ANKRD46: variants seen among roughly 807,000 people sequenced by gnomAD.
The protein encoded by ANKRD46 is ankyrin repeat domain 46.
In ANKRD46, 13 loss-of-function variants were observed where a neutral mutation model predicts 19.8. The observed-to-expected ratio is 0.66, with a 90% CI of 0.43 to 1.04. The LOEUF (loss-of-function observed/expected upper bound fraction) is 1.04. Ranked by LOEUF, ANKRD46 falls within the 50% of genes least tolerant of loss-of-function variation. The pLI is 0.00. For synonymous variants in ANKRD46, 91 were observed against 106.9 expected, an observed-to-expected ratio of 0.85 and a Z score of 0.92; for missense variants, 185 against 274.8, an observed-to-expected ratio of 0.67 and a Z score of 2.31.
In ANKRD46 at chr8:100,522,743, G is replaced by C. The variant is rs771921223; in HGVS notation, c.499C>G (p.Pro167Ala). The C allele has an allele frequency of 2.5e-5, 40 of 1,613,834 alleles. No individual in the cohort carries two copies. The highest frequency in any genetic ancestry group is 3.3e-5 in the Admixed American group (2 of 59,952). Residue 167 changes from proline (P) to alanine (A), a missense_variant, in exon 5 of 5, where the codon CCC becomes GCC. Pro to Ala is a conservative substitution (Grantham distance 27). Transcript: ENST00000335659. ...ACTCCTTCACCTTGCTGCAGGTTGG[G>C]ATTGAGGAGTGAATGGCTTTCCATG... ...SAMESHSLLN[P>A]NLQQGEGVLS... is the part of the protein sequence containing the mutation.
chr8:100,552,800 G>A (rs1277259999), intron 1 of ANKRD46, among the ~76,000 whole-genome samples: 2 of 152,196 alleles, frequency 1.3e-5, no homozygotes, highest in African/African-American at 4.8e-5. Flanking sequence ...AAAGGGTCAA[G>A]CCTTGGGCTT....
chr8:100,510,735 T>C lies in ANKRD46; in HGVS notation c.637-96A>G, dbSNP rs1811536475. ...AGGACCAGATACAATCATAAATATA[T>C]AGAACCAGAAAGCACAGGCTTGCTT... On this transcript the variant is annotated intron_variant, in intron 5 of 5. Transcript: ENST00000520552. This position sits in a 1 kb window ranked among gnomAD's most constrained non-coding sequence, Gnocchi z 4.9. The C allele has an allele frequency of 2.6e-6, 3 of 1,140,166 alleles. No homozygotes were observed. Among genetic ancestry groups the C allele is most frequent in the South Asian group, 3.2e-5 (2 of 62,242 alleles). 70.6% of individuals were successfully genotyped at this position (1,140,166 alleles called of 1,614,324 possible).
rs926547415 is a variant in ANKRD46, at chr8:100,534,363, G to A, written c.-130-1052C>T. On this transcript the variant is annotated intron_variant, in intron 1 of 4. Coordinates refer to ENST00000335659, the MANE Select transcript of ANKRD46 (RefSeq NM_001270377.2). The surrounding 1 kb of genome is among the most constrained non-coding windows in gnomAD (Gnocchi z 4.2). Reference sequence around the variant, plus strand: ...CCACACGAGGGTCAGTAAATATCACGAAGACATGATAACACACAAAACATC... The same window carrying A: ...CCACACGAGGGTCAGTAAATATCACAAAGACATGATAACACACAAAACATC... Among the ~76,000 whole-genome samples, 1 of 152,178 alleles carries A rather than the reference G, an allele frequency of 6.6e-6. No homozygotes were observed. Among genetic ancestry groups the A allele is most frequent in the Non-Finnish European group, 1.5e-5 (1 of 68,040 alleles).
chr8:100,552,256 G>C (rs1194088538), intron 1 of ANKRD46, among the ~76,000 whole-genome samples: 1 of 151,400 alleles, frequency 6.6e-6, no homozygotes, highest in African/African-American at 2.4e-5. Context: ...CTTTTCGTCT[G>C]AGATCAGATA....
rs968502607 is a variant in ANKRD46 at position 100,550,864 on chromosome 8, T to TA, written c.-131+8846dup. Reference sequence around the variant, plus strand: ...AAAGTGGAAGAGTGAGTGTCACTGTTAAAGTCAGAGGAAACAACCTGGTGT... The same window carrying TA: ...AAAGTGGAAGAGTGAGTGTCACTGTTAAAAGTCAGAGGAAACAACCTGGTGT... On this transcript the variant is annotated intron_variant, in intron 1 of 4. Coordinates refer to ENST00000335659, the MANE Select transcript of ANKRD46 (RefSeq NM_001270377.2). This position sits in a 1 kb window ranked among gnomAD's most constrained non-coding sequence, Gnocchi z 4.4. 2.0e-6 allele frequency: 1 copy of TA among 504,524 alleles called. No homozygotes were observed. The highest frequency in any genetic ancestry group is 3.8e-6 in the Non-Finnish European group (1 of 265,930). 31.3% of individuals were successfully genotyped at this position (504,524 alleles called of 1,614,324 possible).
chr8:100,523,930 C>T (rs930682635), intron 4 of ANKRD46, among the ~76,000 whole-genome samples: 1 of 152,220 alleles, frequency 6.6e-6, no homozygotes, highest in African/African-American at 2.4e-5. Flanking sequence ...AGGCATGAGC[C>T]ACCACAGCTG....
chr8:100,535,750 T>A (rs1812052946), intron 1 of ANKRD46, among the ~76,000 whole-genome samples: 1 of 152,232 alleles, frequency 6.6e-6, no homozygotes, highest in East Asian at 1.9e-4. Context: ...TGTCCCTTTT[T>A]TATCCATAGT....
chr8:100,521,242 T>A lies in ANKRD46; in HGVS notation c.*1313A>T. 1 of 985,326 alleles carries A rather than the reference T, an allele frequency of 1.0e-6. No homozygotes were observed. The highest frequency in any genetic ancestry group is 1.2e-6 in the Non-Finnish European group (1 of 829,900). The allele number at this position is 985,326 out of a possible 1,614,324, so 61.0% of individuals were successfully genotyped here. A position where few individuals can be genotyped will look rare whatever the true frequency, so the allele number is the denominator to read the frequency against. ...GAAATACCAATTCTATTCTAAAGCATAATTTCTAATTCTAGCAGCAATTCA... is the reference window on the plus strand; with the variant it reads ...GAAATACCAATTCTATTCTAAAGCAAAATTTCTAATTCTAGCAGCAATTCA... On this transcript the variant is annotated 3_prime_UTR_variant, in exon 5 of 5. Coordinates refer to ENST00000335659, the MANE Select transcript of ANKRD46 (RefSeq NM_001270377.2).
chr8:100,544,637 C>T lies in ANKRD46; in HGVS notation c.-130-11326G>A, dbSNP rs1304541470. ...TTTGTATCTTAGGTCCTAACTCGGC[C>T]ATTTTCTAAGGCACTATCTTGAGTA... is the stretch of plus-strand genomic sequence containing the variant. On this transcript the variant is annotated intron_variant, in intron 1 of 4. Transcript: ENST00000335659. This position sits in a 1 kb window ranked among gnomAD's most constrained non-coding sequence, Gnocchi z 4.4. Among the ~76,000 whole-genome samples, 1 of 152,138 alleles carries T rather than the reference C, an allele frequency of 6.6e-6. No homozygotes were observed. The highest frequency in any genetic ancestry group is 6.5e-5 in the Admixed American group (1 of 15,268).
At chr8:100,528,592 C>G (rs987210849) in intron 3 of ANKRD46, among the ~76,000 whole-genome samples, 2 of 145,060 alleles carry the variant, frequency 1.4e-5, no homozygotes, top group Non-Finnish European at 1.5e-5. Context: ...AAATCTAGTT[C>G]TAGATTCATT....
At chr8:100,554,503 G>A (rs1812454561) in intron 1 of ANKRD46, 1 of 152,182 alleles carries the variant, frequency 6.6e-6, no homozygotes, top group Non-Finnish European at 1.5e-5. Flanking sequence ...AGGATCACTT[G>A]AGCCTAAGGA....
downstream of ANKRD46, among the ~76,000 whole-genome samples, chr8:100,515,906 C>T (rs1475724154): frequency 6.6e-6 from 1 of 151,282 alleles, no homozygotes; most frequent in Non-Finnish European, 1.5e-5. Context: ...AGTTTCACTC[C>T]TGTTGCCCAG....
downstream of ANKRD46, among the ~76,000 whole-genome samples, chr8:100,520,144 G>A (rs550416780): frequency 2.4e-4 from 36 of 152,226 alleles, 1 homozygote; most frequent in South Asian, 7.1e-3. Context: ...AGTCAAGTAC[G>A]GTTAACTATG....
chr8:100,517,596 T>C (rs1811655001), downstream of ANKRD46, among the ~76,000 whole-genome samples: 1 of 152,176 alleles, frequency 6.6e-6, no homozygotes, highest in Admixed American at 6.5e-5. Flanking sequence ...AGCAGTCTGG[T>C]TGTGCTGTGA....
intron 1 of ANKRD46, among the ~76,000 whole-genome samples, chr8:100,548,470 C>G (rs140509639): frequency 6.6e-6 from 1 of 152,144 alleles, no homozygotes; most frequent in Non-Finnish European, 1.5e-5. Flanking sequence ...TTATTTTGTT[C>G]GTGTTCTTAT....
rs1420701766 is a variant in ANKRD46, at chr8:100,536,331, A to T, written c.-130-3020T>A. ...GACTCTCCTGAAAGGCACTACTCTTAGGAGTGTACCATAGAGAGACAATTT... is the reference window on the plus strand; with the variant it reads ...GACTCTCCTGAAAGGCACTACTCTTTGGAGTGTACCATAGAGAGACAATTT... On this transcript the variant is annotated intron_variant, in intron 1 of 4. Coordinates refer to ENST00000335659, the MANE Select transcript of ANKRD46 (RefSeq NM_001270377.2). This position sits in a 1 kb window ranked among gnomAD's most constrained non-coding sequence, Gnocchi z 4.9. Among the ~76,000 whole-genome samples, 4 of 152,154 alleles carry T rather than the reference A, an allele frequency of 2.6e-5. No homozygotes were observed. The highest frequency in any genetic ancestry group is 9.7e-5 in the African/African-American group (4 of 41,442).
Position 100,521,739 on chromosome 8 carries a change from T to C in ANKRD46, c.*816A>G. On this transcript the variant is annotated 3_prime_UTR_variant, in exon 5 of 5. Coordinates refer to ENST00000335659, the MANE Select transcript of ANKRD46 (RefSeq NM_001270377.2). ...GCACTACAGAATTATGACAGTTAAATATCAGAATTATTTTTCCCTGCTAAC... is the reference window on the plus strand; with the variant it reads ...GCACTACAGAATTATGACAGTTAAACATCAGAATTATTTTTCCCTGCTAAC... The C allele has an allele frequency of 7.1e-6, 7 of 985,406 alleles. No individual in the cohort carries two copies. The highest frequency in any genetic ancestry group is 8.4e-6 in the Non-Finnish European group (7 of 829,866). 61.0% of individuals were successfully genotyped at this position (985,406 alleles called of 1,614,324 possible). A position where few individuals can be genotyped will look rare whatever the true frequency, so the allele number is the denominator to read the frequency against.
rs531180739 is a variant in ANKRD46 at position 100,528,726 on chromosome 8, T to A, written c.312-723A>T. 8.5e-4 allele frequency among the ~76,000 whole-genome samples: 130 copies of A among 152,252 alleles called. 1 individual carries two copies. The highest frequency in any genetic ancestry group is 3.1e-3 in the African/African-American group (128 of 41,554). ...CGCTAATAATAGGTTAGAACCCCAATCACATTAAATCCTGCAGTCAATTCC... is the reference window on the plus strand; with the variant it reads ...CGCTAATAATAGGTTAGAACCCCAAACACATTAAATCCTGCAGTCAATTCC... On this transcript the variant is annotated intron_variant, in intron 3 of 4. Coordinates refer to ENST00000335659, the MANE Select transcript of ANKRD46 (RefSeq NM_001270377.2).
Position 100,543,548 on chromosome 8 carries a change from A to T in ANKRD46, c.-130-10237T>A, listed in dbSNP as rs1812216234. 6.6e-6 allele frequency among the ~76,000 whole-genome samples: 1 copy of T among 152,222 alleles called. No homozygotes were observed. The highest frequency in any genetic ancestry group is 2.1e-4 in the South Asian group (1 of 4,836). On this transcript the variant is annotated intron_variant, in intron 1 of 4. Transcript: ENST00000335659. This position sits in a 1 kb window ranked among gnomAD's most constrained non-coding sequence, Gnocchi z 4.2. ...ACAGTGTTAAACAAAGATAATTATG[A>T]TTTAAAAATTATTCTTTAAAATGCT... is the stretch of plus-strand genomic sequence containing the variant.
Sources: allele counts gnomAD v4.1 joint callset (sites outside exome capture counted in the v4.1 genomes callset), GRCh38; gene constraint gnomAD v4.1.1; non-coding constraint Gnocchi (gnomAD v3.1); transcripts MANE v1.5; gene names NCBI Gene and HGNC (gene_info 2026-07-23, HGNC 2026-07-21).